The following LYPLAL1 variants were observed in gnomAD, a reference collection of about 807,000 sequenced individuals.
The protein encoded by LYPLAL1 is lysophospholipase like 1.
In LYPLAL1, 23 loss-of-function variants were observed where a neutral mutation model predicts 19.7. The observed-to-expected ratio is 1.17, with a 90% CI of 0.84 to 1.65. The LOEUF (loss-of-function observed/expected upper bound fraction) is 1.65, where lower values mean the gene tolerates loss of function less well. Ranked by LOEUF, LYPLAL1 falls within the 40% of genes most tolerant of loss-of-function variation. The pLI is 0.00. For synonymous variants in LYPLAL1, 119 were observed against 96.3 expected (o/e 1.24, Z -1.38); for missense variants, 355 against 279.4 (o/e 1.27, Z -1.93).
At chr1:219,214,616 T>A (rs577610241), downstream of LYPLAL1, among the ~76,000 whole-genome samples, 1 of 152,160 alleles carries the variant, frequency 6.6e-6, no homozygotes, top group East Asian at 1.9e-4. Flanking sequence ...CTTTTGTTAT[T>A]TTGCTTATAG....
chr1:219,228,371 C>T, the LYPLAL1 span, among the ~76,000 whole-genome samples: 1,008 of 151,870 alleles, frequency 6.6e-3, 3 homozygotes, highest in South Asian at 0.021. Flanking sequence ...TAATTAGATT[C>T]TGCTAAAAGA....
the LYPLAL1 span, among the ~76,000 whole-genome samples, chr1:219,261,883 A>C: frequency 6.6e-6 from 1 of 152,086 alleles, no homozygotes; most frequent in Non-Finnish European, 1.5e-5. Context: ...TTGTATTTGG[A>C]GGTCTGGATC....
At chr1:219,346,840 C>A in the LYPLAL1 span, among the ~76,000 whole-genome samples, 1 of 152,146 alleles carries the variant, frequency 6.6e-6, no homozygotes, top group African/African-American at 2.4e-5. Flanking sequence ...AAACAGAGAC[C>A]AGGAAGAGCA....
At chr1:219,226,006 A>G in the LYPLAL1 span, among the ~76,000 whole-genome samples, 14 of 152,200 alleles carry the variant, frequency 9.2e-5, no homozygotes, top group Non-Finnish European at 2.1e-4. Context: ...CGTTTTAGAC[A>G]CAAGTTTTGA....
downstream of LYPLAL1, among the ~76,000 whole-genome samples, chr1:219,213,954 A>C (rs1191752900): frequency 6.6e-6 from 1 of 152,120 alleles, no homozygotes; most frequent in African/African-American, 2.4e-5. Flanking sequence ...GAGAGCAGAC[A>C]TCCTTGTCTT....
the LYPLAL1 span, among the ~76,000 whole-genome samples, chr1:219,424,683 A>T: frequency 6.6e-6 from 1 of 152,058 alleles, no homozygotes; most frequent in Admixed American, 6.5e-5. Context: ...CTGCTTCTCC[A>T]TCTCATCACG....
the LYPLAL1 span, among the ~76,000 whole-genome samples, chr1:219,417,925 C>G: frequency 6.6e-6 from 1 of 152,242 alleles, no homozygotes; most frequent in African/African-American, 2.4e-5. Context: ...GACCTTTCCT[C>G]CCTTACTATA....
chr1:219,294,350 C>T, the LYPLAL1 span, among the ~76,000 whole-genome samples: 2 of 152,206 alleles, frequency 1.3e-5, no homozygotes, highest in South Asian at 2.1e-4. Flanking sequence ...CCCTCCTCCT[C>T]AACTTTCCAT....
the LYPLAL1 span, among the ~76,000 whole-genome samples, chr1:219,404,473 C>T: frequency 6.6e-6 from 1 of 152,148 alleles, no homozygotes; most frequent in Non-Finnish European, 1.5e-5. Context: ...ATGGTCTCTT[C>T]AGATGGTCAC....
the LYPLAL1 span, among the ~76,000 whole-genome samples, chr1:219,359,891 G>A: frequency 6.6e-6 from 1 of 152,160 alleles, no homozygotes; most frequent in Non-Finnish European, 1.5e-5. Context: ...CTGGAATGGG[G>A]CATGACATCC....
chr1:219,201,772 T>C lies in LYPLAL1; in HGVS notation c.361+8521T>C, dbSNP rs114390420. 8.4e-3 allele frequency among the ~76,000 whole-genome samples: 1,274 copies of C among 152,310 alleles called. 27 individuals carry two copies. Among genetic ancestry groups the C allele is most frequent in the African/African-American group, 0.029 (1,214 of 41,570 alleles). On this transcript the variant is annotated intron_variant, in intron 3 of 4. Transcript: ENST00000366928. ...GAAAATAAATCTTCACTAAGTTTTA[T>C]GGAATTATACACATGCCACAAAACA...
chr1:219,305,677 G>A, the LYPLAL1 span, among the ~76,000 whole-genome samples: 21 of 152,296 alleles, frequency 1.4e-4, no homozygotes, highest in African/African-American at 3.6e-4. Context: ...AAACCCTATC[G>A]TTTACAAACA....
chr1:219,367,092 AG>A, the LYPLAL1 span, among the ~76,000 whole-genome samples: 3 of 152,068 alleles, frequency 2.0e-5, no homozygotes, highest in Non-Finnish European at 4.4e-5. Flanking sequence ...ATTTACCCCG[AG>A]ATAACTTTGC....
the LYPLAL1 span, among the ~76,000 whole-genome samples, chr1:219,228,170 G>T: frequency 0.97 from 147,191 of 152,272 alleles, 71,347 homozygotes; most frequent in East Asian, 1. Flanking sequence ...TCCCTAAAGG[G>T]TCCCGTAAGA....
At chr1:219,365,944 A>T in the LYPLAL1 span, among the ~76,000 whole-genome samples, 1 of 152,160 alleles carries the variant, frequency 6.6e-6, no homozygotes, top group Non-Finnish European at 1.5e-5. Flanking sequence ...GACAATAAAA[A>T]ATATCAAGAT....
the LYPLAL1 span, among the ~76,000 whole-genome samples, chr1:219,299,424 T>C: frequency 3.9e-5 from 6 of 152,104 alleles, no homozygotes; most frequent in Non-Finnish European, 7.4e-5. Context: ...AATAACAGAC[T>C]CAAAGAGATA....
At chr1:219,232,303 C>A in the LYPLAL1 span, among the ~76,000 whole-genome samples, 1 of 151,878 alleles carries the variant, frequency 6.6e-6, no homozygotes, top group East Asian at 1.9e-4. Flanking sequence ...AATATAAATA[C>A]ATACATACAC....
intron 3 of LYPLAL1, 33 bp from the exon 4 acceptor site, chr1:219,210,499 G>A: frequency 8.3e-6 from 3 of 362,364 alleles, no homozygotes; most frequent in Non-Finnish European, 1.3e-5. Flanking sequence ...ATTATTTTAT[G>A]TATTCTACTT....
At chr1:219,333,594 T>C in the LYPLAL1 span, among the ~76,000 whole-genome samples, 2 of 152,078 alleles carry the variant, frequency 1.3e-5, no homozygotes, top group South Asian at 4.1e-4. Flanking sequence ...AGAAAGATTT[T>C]CTCTTAGACA....
Sources: allele counts gnomAD v4.1 joint callset (sites outside exome capture counted in the v4.1 genomes callset), GRCh38; gene constraint gnomAD v4.1.1; transcripts MANE v1.5; gene names NCBI Gene and HGNC (gene_info 2026-07-23, HGNC 2026-07-21).